ACADSB: variants seen among roughly 807,000 people sequenced by gnomAD.
ACADSB encodes the protein short/branched chain specific acyl-CoA dehydrogenase, mitochondrial.
In ACADSB, 40 loss-of-function variants were observed where a neutral mutation model predicts 54.1. The observed-to-expected ratio is 0.74, with a 90% CI of 0.57 to 0.96. The LOEUF is 0.96. Ranked by LOEUF, ACADSB falls within the 40% of genes least tolerant of loss-of-function variation. The pLI, the probability that ACADSB is intolerant of heterozygous loss-of-function variation, is 0.00. For synonymous variants in ACADSB, 182 were observed against 182.8 expected (o/e 1.00, Z 0.03); for missense variants, 530 against 510.4 (o/e 1.04, Z -0.37).
intron 10 of ACADSB, among the ~76,000 whole-genome samples, chr10:123,053,478 A>G (rs1287632821): frequency 6.6e-6 from 1 of 152,162 alleles, no homozygotes; most frequent in Non-Finnish European, 1.5e-5. Flanking sequence ...TTACACCTTT[A>G]GTCAGTTTAA....
In ACADSB at chr10:123,052,768, G is replaced by A. The variant is rs928948158; in HGVS notation, c.1129-293G>A. 5 of 393,008 alleles carry A rather than the reference G, an allele frequency of 1.3e-5. No individual in the cohort carries two copies. The highest frequency in any genetic ancestry group is 5.9e-5 in the East Asian group (1 of 16,838). 24.3% of individuals were successfully genotyped at this position (393,008 alleles called of 1,614,324 possible). A position where few individuals can be genotyped will look rare whatever the true frequency, so the allele number is the denominator to read the frequency against. Reference sequence around the variant, plus strand: ...CTCAGCTTGAAATGTCCCTTAGCTCGTCCGTTAGGCCCCCAGTAAACATTT... The same window carrying A: ...CTCAGCTTGAAATGTCCCTTAGCTCATCCGTTAGGCCCCCAGTAAACATTT... On this transcript the variant is annotated intron_variant, in intron 9 of 10. Coordinates refer to ENST00000358776, the MANE Select transcript of ACADSB (RefSeq NM_001609.4). The surrounding 1 kb of genome is among the most constrained non-coding windows in gnomAD (Gnocchi z 4.2).
chr10:123,041,505 A>G (rs1850473721), intron 5 of ACADSB, 126 bp downstream of exon 5: 1 of 968,910 alleles, frequency 1.0e-6, no homozygotes, highest in Non-Finnish European at 1.6e-6. Context: ...AGTACTGAAA[A>G]TGTCAGACTT....
chr10:123,020,786 T>A (rs566062536), intron 1 of ACADSB, among the ~76,000 whole-genome samples: 24 of 152,354 alleles, frequency 1.6e-4, no homozygotes, highest in South Asian at 1.4e-3. Flanking sequence ...TTTGAAATGG[T>A]TGCCATAGTG....
At chr10:123,011,181 C>T (rs976898758) in intron 1 of ACADSB, among the ~76,000 whole-genome samples, 6 of 152,134 alleles carry the variant, frequency 3.9e-5, no homozygotes, top group African/African-American at 1.4e-4. Flanking sequence ...TGGTTTCTAT[C>T]CAGAGGCAAA....
rs1850696186 is a variant in ACADSB, at chr10:123,055,583, C to T, written c.*1818C>T. 6.6e-6 allele frequency: 1 copy of T among 152,148 alleles called. No homozygotes were observed. Among genetic ancestry groups the T allele is most frequent in the African/African-American group, 2.4e-5 (1 of 41,424 alleles). 9.4% of individuals were successfully genotyped at this position (152,148 alleles called of 1,614,324 possible). A position where few individuals can be genotyped will look rare whatever the true frequency, so the allele number is the denominator to read the frequency against. On this transcript the variant is annotated 3_prime_UTR_variant, in exon 11 of 11. Transcript: ENST00000358776. ...GTCTTAACTCATTTCAGCATTAACC[C>T]AAAAGTCCGCAGTCCAAAGTTTCAT...
intron 3 of ACADSB, among the ~76,000 whole-genome samples, chr10:123,038,410 C>T (rs1377629631): frequency 1.3e-5 from 2 of 152,142 alleles, no homozygotes; most frequent in East Asian, 1.9e-4. Flanking sequence ...AACAGATTCC[C>T]ATCTTCTCAA....
intron 8 of ACADSB, among the ~76,000 whole-genome samples, chr10:123,049,185 A>G (rs1190341057): frequency 6.6e-6 from 1 of 152,238 alleles, no homozygotes; most frequent in Non-Finnish European, 1.5e-5. Context: ...GATTAAAGTT[A>G]GTGGAGTTTT....
At chr10:123,030,526 CA>C (rs66574740) in intron 1 of ACADSB, among the ~76,000 whole-genome samples, 83 of 95,870 alleles carry the variant, frequency 8.7e-4, no homozygotes, top group Admixed American at 1.6e-3. Flanking sequence ...GACTCTGTCT[CA>C]AAAAAAAAAA....
chr10:123,049,646 A>G (rs999993077), intron 8 of ACADSB, among the ~76,000 whole-genome samples: 1 of 152,246 alleles, frequency 6.6e-6, no homozygotes, highest in Non-Finnish European at 1.5e-5. Context: ...AGACCCATGC[A>G]TGCAGCAGAT....
chr10:123,052,947 A>T lies in ACADSB; in HGVS notation c.1129-114A>T. The T allele has an allele frequency of 2.6e-6, 2 of 782,914 alleles. No homozygotes were observed. Among genetic ancestry groups the T allele is most frequent in the Non-Finnish European group, 4.5e-6 (2 of 444,136 alleles). 48.5% of individuals were successfully genotyped at this position (782,914 alleles called of 1,614,324 possible). On this transcript the variant is annotated intron_variant, in intron 9 of 10. Transcript: ENST00000358776. The surrounding 1 kb of genome is among the most constrained non-coding windows in gnomAD (Gnocchi z 4.2). Reference sequence around the variant, plus strand: ...CAATGCTAGTTTAGAAGATAACTTTAGTCCTTCCAGTGCCACTAACAGTAA... The same window carrying T: ...CAATGCTAGTTTAGAAGATAACTTTTGTCCTTCCAGTGCCACTAACAGTAA...
intron 1 of ACADSB, among the ~76,000 whole-genome samples, chr10:123,033,366 G>T (rs146162490): frequency 6.6e-6 from 1 of 152,250 alleles, no homozygotes; most frequent in African/African-American, 2.4e-5. Flanking sequence ...GTAGTGACTC[G>T]TCCACAGTTT....
intron 5 of ACADSB, among the ~76,000 whole-genome samples, chr10:123,041,749 T>A (rs1850477078): frequency 6.6e-6 from 1 of 152,206 alleles, no homozygotes. Flanking sequence ...AGGTATCAGA[T>A]AATCTAGAGA....
rs1849950931 is a variant in ACADSB at position 123,009,027 on chromosome 10, A to G, written c.-3A>G. Reference sequence around the variant, plus strand: ...GCGCAGAGCGGAGAGGCCTGCGGCGAGGATGGAGGGCCTGGCAGTGCGGTT... The same window carrying G: ...GCGCAGAGCGGAGAGGCCTGCGGCGGGGATGGAGGGCCTGGCAGTGCGGTT... On this transcript the variant is annotated 5_prime_UTR_variant, in exon 1 of 11. Transcript: ENST00000358776. 3 of 1,547,906 alleles carry G rather than the reference A, an allele frequency of 1.9e-6. No homozygotes were observed. Among genetic ancestry groups the G allele is most frequent in the African/African-American group, 2.7e-5 (2 of 73,124 alleles).
At chr10:123,019,769 T>G (rs1264833710) in intron 1 of ACADSB, among the ~76,000 whole-genome samples, 1 of 152,238 alleles carries the variant, frequency 6.6e-6, no homozygotes, top group Non-Finnish European at 1.5e-5. Context: ...TATGTTTGTG[T>G]ATCCACTGCT....
At chr10:123,012,584 T>C (rs932110926) in intron 1 of ACADSB, among the ~76,000 whole-genome samples, 1 of 152,032 alleles carries the variant, frequency 6.6e-6, no homozygotes, top group Non-Finnish European at 1.5e-5. Context: ...TCTGGTGGGT[T>C]TGTGGTGTCA....
intron 1 of ACADSB, 85 bp from the exon 2 acceptor site, chr10:123,034,271 T>G: frequency 1.1e-5 from 16 of 1,420,876 alleles, no homozygotes; most frequent in Non-Finnish European, 1.4e-5. Flanking sequence ...TTTGGTGACA[T>G]GAAATATAAG....
At chr10:123,014,383 G>GAC (rs1313499481) in intron 1 of ACADSB, among the ~76,000 whole-genome samples, 2 of 152,290 alleles carry the variant, frequency 1.3e-5, no homozygotes, top group East Asian at 3.9e-4. Context: ...ACCCAGGCTG[G>GAC]AGTGCAGTGA....
intron 1 of ACADSB, among the ~76,000 whole-genome samples, chr10:123,012,566 T>G (rs1188812863): frequency 6.6e-6 from 1 of 152,134 alleles, no homozygotes; most frequent in African/African-American, 2.4e-5. Flanking sequence ...TGTTCGGAGT[T>G]TCTTCCTTCT....
chr10:123,047,626 C>T (rs1850577860), intron 8 of ACADSB, among the ~76,000 whole-genome samples: 1 of 152,128 alleles, frequency 6.6e-6, no homozygotes, highest in South Asian at 2.1e-4. Context: ...TTTCACTTAC[C>T]AGCTTTAGGC....
Sources: allele counts gnomAD v4.1 joint callset (sites outside exome capture counted in the v4.1 genomes callset), GRCh38; gene constraint gnomAD v4.1.1; non-coding constraint Gnocchi (gnomAD v3.1); transcripts MANE v1.5; gene names NCBI Gene and HGNC (gene_info 2026-07-23, HGNC 2026-07-21).